CACNA2D3: variants seen among roughly 807,000 people sequenced by gnomAD.
CACNA2D3 encodes the protein calcium voltage-gated channel auxiliary subunit alpha2delta 3.
In CACNA2D3, 60 loss-of-function variants were observed where a neutral mutation model predicts 160.6. The observed-to-expected ratio is 0.37, with a 90% confidence interval of 0.30 to 0.46. The LOEUF is 0.46. Among genes scored for constraint, CACNA2D3 ranks in the 20% least tolerant of loss-of-function variants. The pLI is 1.00. For synonymous variants in CACNA2D3, 558 were observed against 492.9 expected (o/e 1.13, Z -1.75); for missense variants, 1,205 against 1,365.0 (o/e 0.88, Z 1.85).
At chr3:54,162,413 G>A (rs61239506) in intron 2 of CACNA2D3, among the ~76,000 whole-genome samples, 10,176 of 152,072 alleles carry the variant, frequency 0.067, 1,096 homozygotes, top group African/African-American at 0.23. Context: ...CTGGGCTGTC[G>A]GCTGGAACCC....
intron 2 of CACNA2D3, among the ~76,000 whole-genome samples, chr3:54,228,616 A>G (rs1480356021): frequency 6.6e-6 from 1 of 152,148 alleles, no homozygotes; most frequent in Non-Finnish European, 1.5e-5. Context: ...TGAAGTCAGA[A>G]CCCTGAGAAC....
chr3:54,735,789 A>G (rs1229765421), intron 11 of CACNA2D3, among the ~76,000 whole-genome samples: 4 of 151,670 alleles, frequency 2.6e-5, no homozygotes, highest in South Asian at 4.2e-4. Context: ...ATTAAATGGA[A>G]TTGAGTGGAA....
At chr3:54,618,352 C>T (rs377260514) in intron 9 of CACNA2D3, among the ~76,000 whole-genome samples, 14 of 119,888 alleles carry the variant, frequency 1.2e-4, no homozygotes, top group East Asian at 4.5e-4. Flanking sequence ...TTGATACATA[C>T]ATATATATAT....
At chr3:54,468,223 C>T (rs1700663241) in intron 4 of CACNA2D3, among the ~76,000 whole-genome samples, 1 of 152,182 alleles carries the variant, frequency 6.6e-6, no homozygotes, top group South Asian at 2.1e-4. Context: ...GCATTTCCAA[C>T]TGAGGTACCA....
At chr3:54,371,467 C>T (rs1323214973) in intron 3 of CACNA2D3, among the ~76,000 whole-genome samples, 3 of 152,108 alleles carry the variant, frequency 2.0e-5, no homozygotes, top group African/African-American at 4.8e-5. Context: ...ACATATAATA[C>T]AATTTGCTTA....
At chr3:54,631,722 T>G (rs1279228744) in intron 10 of CACNA2D3, among the ~76,000 whole-genome samples, 1 of 152,222 alleles carries the variant, frequency 6.6e-6, no homozygotes, top group Non-Finnish European at 1.5e-5. Context: ...AAAGGAGCAT[T>G]CAAATAAACT....
At chr3:54,846,706 C>T (rs1698939453) in intron 17 of CACNA2D3, among the ~76,000 whole-genome samples, 1 of 151,994 alleles carries the variant, frequency 6.6e-6, no homozygotes, top group Non-Finnish European at 1.5e-5. Flanking sequence ...TGTGTATATG[C>T]ATTTATTTAT....
chr3:54,226,898 T>C (rs922186384), intron 2 of CACNA2D3, among the ~76,000 whole-genome samples: 11 of 152,238 alleles, frequency 7.2e-5, no homozygotes, highest in Admixed American at 7.2e-4. Context: ...TTATCTGTAC[T>C]TGATCTAGCT....
At position 54,506,324 on chromosome 3, in the gene CACNA2D3, G is replaced by A. The variant is rs115328452; in HGVS notation, c.544+2670G>A. On this transcript the variant is annotated intron_variant, in intron 5 of 37. Transcript: ENST00000474759. The stretch of plus-strand genomic sequence containing the variant: ...TTTTGGGTTGGAAATCTTACCCCCA[G>A]CGAAGAAAACCAATACAAGGTCATT... Among the ~76,000 whole-genome samples, 432 of 152,274 alleles carry A rather than the reference G, an allele frequency of 2.8e-3. 3 individuals carry two copies. The highest frequency in any genetic ancestry group is 9.9e-3 in the African/African-American group (411 of 41,550).
intron 27 of CACNA2D3, among the ~76,000 whole-genome samples, chr3:54,939,176 A>G (rs1701398530): frequency 6.6e-6 from 1 of 152,126 alleles, no homozygotes; most frequent in African/African-American, 2.4e-5. Flanking sequence ...AACTCTTACA[A>G]CCTTCCAGAA....
intron 2 of CACNA2D3, among the ~76,000 whole-genome samples, chr3:54,232,334 C>T (rs912109734): frequency 2.0e-5 from 3 of 152,060 alleles, no homozygotes; most frequent in Non-Finnish European, 2.9e-5. Context: ...GGGTTGTGCT[C>T]ACAAGGGTTC....
At chr3:54,658,800 T>C (rs1000340932) in intron 11 of CACNA2D3, among the ~76,000 whole-genome samples, 34 of 151,960 alleles carry the variant, frequency 2.2e-4, no homozygotes, top group African/African-American at 8.0e-4. Context: ...CACTCCCCGC[T>C]CAGTGCAGAG....
chr3:54,376,147 C>T (rs1699008579), intron 3 of CACNA2D3, among the ~76,000 whole-genome samples: 1 of 152,128 alleles, frequency 6.6e-6, no homozygotes, highest in Admixed American at 6.5e-5. Context: ...AGCTCAACAC[C>T]CTTGCCTATC....
chr3:54,460,015 A>G (rs1449384435), intron 4 of CACNA2D3, among the ~76,000 whole-genome samples: 20 of 152,042 alleles, frequency 1.3e-4, no homozygotes, highest in South Asian at 2.1e-4. Context: ...TCCCAGCACC[A>G]TTTATTAAAT....
chr3:54,894,036 G>GT (rs1700129094), intron 25 of CACNA2D3, among the ~76,000 whole-genome samples: 1 of 152,096 alleles, frequency 6.6e-6, no homozygotes, highest in Admixed American at 6.5e-5. Flanking sequence ...AAAGTGCAGC[G>GT]TTTTTATTGT....
chr3:54,666,369 A>G (rs1381759687), intron 11 of CACNA2D3, among the ~76,000 whole-genome samples: 1 of 152,238 alleles, frequency 6.6e-6, no homozygotes, highest in Non-Finnish European at 1.5e-5. Flanking sequence ...TGACCTAACA[A>G]AGTTGGAACA....
At chr3:54,568,092 A>G (rs62255461) in intron 6 of CACNA2D3, among the ~76,000 whole-genome samples, 40,241 of 152,160 alleles carry the variant, frequency 0.26, 5,572 homozygotes, top group South Asian at 0.41. Flanking sequence ...CTTGACCTTC[A>G]GTCTTGTATC....
Position 54,532,911 on chromosome 3 carries a change from C to T in CACNA2D3, c.544+29257C>T, listed in dbSNP as rs559643795. 5.9e-5 allele frequency among the ~76,000 whole-genome samples: 9 copies of T among 152,276 alleles called. No individual in the cohort carries two copies. The South Asian group carries it at 1.9e-3, about 32-fold the overall frequency. ...CATAGAGGTTGTACTACTTTACATT[C>T]CCACTAAGAGTAGGATAAGCCCCTT... On this transcript the variant is annotated intron_variant, in intron 5 of 37. Transcript: ENST00000474759.
Position 54,221,482 on chromosome 3 carries a change from C to T in CACNA2D3, c.204+97888C>T, listed in dbSNP as rs566348699. ...GCTTGCCTTTAACAAGAACCATTTG[C>T]GGTTGTTCCAAATGTGAACATTACA... is the stretch of plus-strand genomic sequence containing the variant. On this transcript the variant is annotated intron_variant, in intron 2 of 37. Transcript: ENST00000474759. Among the ~76,000 whole-genome samples, 4 of 152,282 alleles carry T rather than the reference C, an allele frequency of 2.6e-5. No homozygotes were observed. In the East Asian group the frequency reaches 5.8e-4, roughly 22 times the overall value.
Sources: allele counts gnomAD v4.1 joint callset (sites outside exome capture counted in the v4.1 genomes callset), GRCh38; gene constraint gnomAD v4.1.1; transcripts MANE v1.5; gene names NCBI Gene and HGNC (gene_info 2026-07-23, HGNC 2026-07-21).